The following DENND2D variants were observed in gnomAD, a reference collection of about 807,000 sequenced individuals.
The protein encoded by DENND2D is DENN domain-containing protein 2D.
Under a neutral mutation model 59.8 loss-of-function variants are expected in DENND2D, and 37 were observed. The ratio of observed to expected loss-of-function variants is 0.62; its 90% CI spans 0.48 to 0.81. DENND2D has a LOEUF of 0.81. Ranked by LOEUF, DENND2D falls within the 40% of genes least tolerant of loss-of-function variation. DENND2D has a pLI of 0.00. For synonymous variants in DENND2D, 219 were observed against 211.3 expected, an observed-to-expected ratio of 1.04 and a Z score of -0.31; for missense variants, 525 against 579.7, an observed-to-expected ratio of 0.91 and a Z score of 0.97.
rs1658485035 is a variant in DENND2D, at chr1:111,198,638, C to T, written c.348G>A (p.Glu116=). Residue 116 remains glutamate (E), a synonymous_variant, in exon 3 of 12, where the codon GAG becomes GAA. Coordinates refer to ENST00000357640, the MANE Select transcript of DENND2D (RefSeq NM_024901.5). ...PDGNEWASLT[E]YPRETFSFVL... ...CAGGGCTGAGCAATTACCTGGGATACTCGGTGAGTGATGCCCACTCATTCC... is the reference window on the plus strand; with the variant it reads ...CAGGGCTGAGCAATTACCTGGGATATTCGGTGAGTGATGCCCACTCATTCC... 10 of 1,614,124 alleles carry T rather than the reference C, an allele frequency of 6.2e-6. No homozygotes were observed. The highest frequency in any genetic ancestry group is 8.5e-6 in the Non-Finnish European group (10 of 1,180,012).
chr1:111,197,788 G>T, intron 4 of DENND2D, 132 bp downstream of exon 4: 4 of 1,493,868 alleles, frequency 2.7e-6, no homozygotes, highest in South Asian at 1.3e-5. Context: ...ATGGCAGCAG[G>T]TCCTGGGCTG....
intron 7 of DENND2D, 146 bp downstream of exon 7, chr1:111,194,432 C>A (rs1571186038): frequency 2.1e-6 from 2 of 959,880 alleles, no homozygotes; most frequent in Middle Eastern, 3.4e-4. Flanking sequence ...ACAGCTGTTT[C>A]TCTTGGTTTA....
intron 9 of DENND2D, 135 bp downstream of exon 9, chr1:111,189,077 G>C: frequency 9.9e-7 from 1 of 1,013,046 alleles, no homozygotes; most frequent in Non-Finnish European, 1.5e-6. Flanking sequence ...CTCCTTGAGA[G>C]AGATGTGGTC....
At position 111,199,754 on chromosome 1, in the gene DENND2D, T is replaced by C. The variant is rs1470356589; in HGVS notation, c.112A>G (p.Arg38Gly). 6.2e-6 allele frequency: 10 copies of C among 1,614,110 alleles called. No individual in the cohort carries two copies. Among genetic ancestry groups the C allele is most frequent in the African/African-American group, 1.3e-5 (1 of 75,034 alleles). The part of the protein sequence containing the change: ...NSGEALKEPE[R>G]AQEHSLPNFA... ...TTGGGCAAAGAGTGCTCCTGGGCCCTTTCTGGTTCCTTTAAAGCTTCCCCT... is the reference window on the plus strand; with the variant it reads ...TTGGGCAAAGAGTGCTCCTGGGCCCCTTCTGGTTCCTTTAAAGCTTCCCCT... Residue 38 changes from arginine (R) to glycine (G), a missense_variant, in exon 2 of 12, where the codon AGG becomes GGG. Arg to Gly is a moderately radical substitution (Grantham distance 125, BLOSUM62 -2). This residue lies in a region of DENND2D where 253 missense variants were observed against 246.4 expected (regional missense o/e 1.03). Transcript: ENST00000357640.
At chr1:111,198,097 A>G (rs1658422965) in intron 3 of DENND2D, 108 bp from the exon 4 acceptor site, 3 of 1,053,004 alleles carry the variant, frequency 2.8e-6, no homozygotes, top group Middle Eastern at 2.1e-4. Context: ...GTTGCTGATT[A>G]ATCACAGGAG....
upstream of DENND2D, chr1:111,204,493 C>CAATGTG: frequency 1.1e-6 from 1 of 929,324 alleles, no homozygotes. Flanking sequence ...GGCGCACCTT[C>CAATGTG]CGGACTCCGG....
chr1:111,191,310 T>G (rs984525735), intron 8 of DENND2D, among the ~76,000 whole-genome samples: 3 of 152,162 alleles, frequency 2.0e-5, no homozygotes, highest in Non-Finnish European at 4.4e-5. Flanking sequence ...TGTGCTAGGT[T>G]CCACTGTTGT....
intron 7 of DENND2D, among the ~76,000 whole-genome samples, chr1:111,193,441 G>T (rs1446974535): frequency 6.6e-6 from 1 of 152,162 alleles, no homozygotes; most frequent in African/African-American, 2.4e-5. Flanking sequence ...GGAATTTCTG[G>T]TTTCCATTCA....
chr1:111,197,755 G>A (rs1225590265), intron 4 of DENND2D, 165 bp downstream of exon 4: 9 of 1,435,566 alleles, frequency 6.3e-6, no homozygotes, highest in Admixed American at 2.7e-5. Context: ...TCGTGCTTGT[G>A]GGGCTGCAGA....
At position 111,187,516 on chromosome 1, in the gene DENND2D, G is replaced by A. The variant is rs1657327554; in HGVS notation, c.*89C>T. 1.9e-6 allele frequency: 2 copies of A among 1,060,144 alleles called. No individual in the cohort carries two copies. The highest frequency in any genetic ancestry group is 1.9e-5 in the Admixed American group (1 of 52,406). 65.7% of individuals were successfully genotyped at this position (1,060,144 alleles called of 1,614,324 possible). ...CAGAGTGAGGATATGGATTTTGGGA[G>A]CTGACAGTTTTGCTGATCCTGCCAC... On this transcript the variant is annotated 3_prime_UTR_variant, in exon 12 of 12. Transcript: ENST00000357640.
chr1:111,188,694 G>GGAC lies in DENND2D; in HGVS notation c.1099+5_1099+7dup. On this transcript the variant is annotated splice_region_variant and intron_variant, in intron 10 of 11. Transcript: ENST00000357640. ...CTGGAGAGACCCAAAATAAGAGTAA[G>GGAC]GACTTACTCTTTAACTCATTGATCC... 6.2e-7 allele frequency: 1 copy of GGAC among 1,611,596 alleles called. No individual in the cohort carries two copies. The highest frequency in any genetic ancestry group is 8.5e-7 in the Non-Finnish European group (1 of 1,177,812).
chr1:111,188,448 C>G, intron 10 of DENND2D, 78 bp from the exon 11 acceptor site: 1 of 1,570,226 alleles, frequency 6.4e-7, no homozygotes, highest in Admixed American at 1.8e-5. Context: ...GAATGGCTTT[C>G]TTGCAGGCGG....
At chr1:111,200,260 TG>T in intron 1 of DENND2D, 132 bp downstream of exon 1, 8 of 1,271,718 alleles carry the variant, frequency 6.3e-6, no homozygotes, top group Non-Finnish European at 8.8e-6. Context: ...GGAAGCCTCC[TG>T]ACCCAGTCAC....
At chr1:111,188,520 G>C (rs1193373271) in intron 10 of DENND2D, 150 bp from the exon 11 acceptor site, 1 of 1,306,916 alleles carries the variant, frequency 7.7e-7, no homozygotes, top group Admixed American at 2.2e-5. Context: ...GGGAATCTGG[G>C]TATGAGTTCT....
intron 1 of DENND2D, 110 bp downstream of exon 1, chr1:111,200,283 T>C (rs888365844): frequency 2.7e-5 from 39 of 1,443,164 alleles, no homozygotes; most frequent in Middle Eastern, 3.5e-4. Flanking sequence ...TGGGGAACCA[T>C]GTGGAGGCCG....
intron 7 of DENND2D, 61 bp from the exon 8 acceptor site, chr1:111,192,378 C>G (rs1250260801): frequency 6.9e-7 from 1 of 1,446,904 alleles, no homozygotes; most frequent in Non-Finnish European, 9.2e-7. Flanking sequence ...CTACACACCC[C>G]TCATCGCCCA....
chr1:111,197,322 A>G lies in DENND2D; in HGVS notation c.427-69T>C. The G allele has an allele frequency of 5.1e-6, 8 of 1,560,498 alleles. No homozygotes were observed. The Admixed American group carries it at 5.7e-5, about 11-fold the overall frequency. On this transcript the variant is annotated intron_variant, in intron 4 of 11. Coordinates refer to ENST00000357640, the MANE Select transcript of DENND2D (RefSeq NM_024901.5). ...AAGGGCTTCTCCCAACTGGGTATGAAGGAGCACAAGGCTGAGGGCTGGGGA... is the reference window on the plus strand; with the variant it reads ...AAGGGCTTCTCCCAACTGGGTATGAGGGAGCACAAGGCTGAGGGCTGGGGA...
At chr1:111,199,878 T>A in intron 1 of DENND2D, 80 bp from the exon 2 acceptor site, 3 of 1,529,922 alleles carry the variant, frequency 2.0e-6, no homozygotes, top group Non-Finnish European at 2.6e-6. Flanking sequence ...CCGGGTGACC[T>A]CCACACCTCA....
chr1:111,197,488 AAG>A, intron 4 of DENND2D: 2 of 1,412,514 alleles, frequency 1.4e-6, no homozygotes, highest in Non-Finnish European at 1.8e-6. Flanking sequence ...GGGGTCAGCA[AAG>A]AGGGGTAGCA....
Sources: allele counts gnomAD v4.1 joint callset (sites outside exome capture counted in the v4.1 genomes callset), GRCh38; gene constraint gnomAD v4.1.1; regional missense constraint gnomAD v4.1.1; transcripts MANE v1.5; gene names NCBI Gene and HGNC (gene_info 2026-07-23, HGNC 2026-07-21).